Variants in LAMP3 observed in about 807,000 individuals in gnomAD.
The protein encoded by LAMP3 is lysosome-associated membrane glycoprotein 3.
LAMP3 carries 26 observed loss-of-function variants against 34.8 expected under a neutral mutation model. That is an observed-to-expected ratio of 0.75 (90% CI 0.55 to 1.04). The LOEUF is 1.04. LAMP3 is among the 50% of genes least tolerant of loss of function. The probability of loss-of-function intolerance (pLI) is 0.00; values close to 1 mark genes in which losing one functional copy is unlikely to be tolerated. For missense variants in LAMP3, 495 were observed against 524.0 expected, an observed-to-expected ratio of 0.94 and a Z score of 0.54; for synonymous variants, 180 against 201.9, an observed-to-expected ratio of 0.89 and a Z score of 0.92.
intron 5 of LAMP3, chr3:183,131,813 CT>C (rs1258964978): frequency 1.6e-6 from 1 of 634,122 alleles, no homozygotes; most frequent in East Asian, 1.4e-4. Flanking sequence ...CATACCTCTC[CT>C]TTTTCTCTGA....
chr3:183,154,412 G>T (rs1212027680), intron 1 of LAMP3, 21 bp from the exon 2 acceptor site: 3 of 1,562,916 alleles, frequency 1.9e-6, no homozygotes, highest in Non-Finnish European at 1.7e-6. Context: ...GGAAATAAAA[G>T]TGTTAAAAAC....
chr3:183,136,653 G>GA (rs63647060), intron 4 of LAMP3, among the ~76,000 whole-genome samples: 5,946 of 100,524 alleles, frequency 0.059, 327 homozygotes, highest in African/African-American at 0.12. Context: ...CTCCGTTTCA[G>GA]AAAAAAAAAA....
intron 4 of LAMP3, 46 bp from the exon 5 acceptor site, chr3:183,135,933 G>T: frequency 6.7e-7 from 1 of 1,488,288 alleles, no homozygotes; most frequent in Non-Finnish European, 9.4e-7. Flanking sequence ...AGATGTAACC[G>T]CTGAGCTCCA....
At chr3:183,151,984 C>T (rs1284682691) in intron 3 of LAMP3, among the ~76,000 whole-genome samples, 1 of 152,196 alleles carries the variant, frequency 6.6e-6, no homozygotes, top group Non-Finnish European at 1.5e-5. Context: ...TTGGAAAGAA[C>T]CTGTTCTGAC....
chr3:183,128,677 G>C (rs887958885), intron 5 of LAMP3, among the ~76,000 whole-genome samples: 4 of 152,164 alleles, frequency 2.6e-5, no homozygotes, highest in African/African-American at 9.6e-5. Flanking sequence ...AGTAGTTTGG[G>C]ACTACAGTCA....
chr3:183,124,508 G>A (rs1209823061), intron 5 of LAMP3, among the ~76,000 whole-genome samples: 7 of 152,098 alleles, frequency 4.6e-5, no homozygotes, highest in South Asian at 4.2e-4. Context: ...GTCACTCCAG[G>A]CATACTCCCT....
chr3:183,130,404 C>T (rs1012645168), intron 5 of LAMP3, among the ~76,000 whole-genome samples: 3 of 151,824 alleles, frequency 2.0e-5, no homozygotes, highest in Non-Finnish European at 2.9e-5. Flanking sequence ...ATGATCCGCC[C>T]GCCTCGGCCT....
At chr3:183,144,082 A>C (rs946799225) in intron 3 of LAMP3, among the ~76,000 whole-genome samples, 1 of 152,176 alleles carries the variant, frequency 6.6e-6, no homozygotes, top group African/African-American at 2.4e-5. Context: ...CCAGCTGTTC[A>C]GGATGTGGAT....
chr3:183,134,041 T>C (rs1247479577), intron 5 of LAMP3, among the ~76,000 whole-genome samples: 1 of 152,218 alleles, frequency 6.6e-6, no homozygotes, highest in Non-Finnish European at 1.5e-5. Flanking sequence ...GGTAACTTGC[T>C]CCTCTTTTCC....
At chr3:183,128,575 A>G (rs777748969) in intron 5 of LAMP3, among the ~76,000 whole-genome samples, 3 of 152,142 alleles carry the variant, frequency 2.0e-5, no homozygotes, top group East Asian at 1.9e-4. Context: ...ATCATTTCAT[A>G]TATGTGAAGG....
chr3:183,146,434 C>T (rs554253163), intron 3 of LAMP3, among the ~76,000 whole-genome samples: 1 of 152,124 alleles, frequency 6.6e-6, no homozygotes, highest in Non-Finnish European at 1.5e-5. Flanking sequence ...TCATACAATA[C>T]ACCCATTAGG....
At chr3:183,144,096 G>T (rs752856451) in intron 3 of LAMP3, among the ~76,000 whole-genome samples, 1 of 152,150 alleles carries the variant, frequency 6.6e-6, no homozygotes, top group Admixed American at 6.5e-5. Context: ...TGTGGATTTT[G>T]TCTTCAGCAT....
At chr3:183,129,785 C>T (rs553170207) in intron 5 of LAMP3, among the ~76,000 whole-genome samples, 2 of 152,204 alleles carry the variant, frequency 1.3e-5, no homozygotes, top group South Asian at 4.1e-4. Flanking sequence ...AATTGTATCC[C>T]CTCCCTGCCC....
At chr3:183,162,492 C>A in intron 1 of LAMP3, 115 bp downstream of exon 1, 1 of 1,051,080 alleles carries the variant, frequency 9.5e-7, no homozygotes, top group South Asian at 1.4e-5. Flanking sequence ...CCCTTGGACG[C>A]GCCACACCTC....
intron 1 of LAMP3, chr3:183,160,718 A>G (rs1170444494): frequency 6.6e-6 from 1 of 152,216 alleles, no homozygotes; most frequent in Admixed American, 6.5e-5. Context: ...TAAAGCACAT[A>G]GGTTAGCTGC....
In LAMP3 at chr3:183,153,940, G is replaced by T. The variant is rs1301535864; in HGVS notation, c.501C>A (p.Thr167=). The change falls in exon 2 of 6, where the codon ACC becomes ACA. Residue 167 remains threonine (T), a synonymous_variant. Coordinates refer to ENST00000265598, the MANE Select transcript of LAMP3 (RefSeq NM_014398.4). ...GTGCTATCGATAAAGTTGCTGGAAG[G>T]GTGGTCTGGTTACTGGGTTGAGTGG... ...GNTTQPSNQT[T]LPATLSIALH... 2 of 1,614,210 alleles carry T rather than the reference G, an allele frequency of 1.2e-6. No individual in the cohort carries two copies. Among genetic ancestry groups the T allele is most frequent in the Non-Finnish European group, 1.7e-6 (2 of 1,180,046 alleles).
Position 183,145,557 on chromosome 3 carries a change from A to T in LAMP3, c.889-4962T>A, listed in dbSNP as rs184693977. Among the ~76,000 whole-genome samples the T allele has an allele frequency of 9.6e-4, 146 of 152,288 alleles. 1 individual carries two copies. In the East Asian group the frequency reaches 0.024, roughly 25 times the overall value. Reference sequence around the variant, plus strand: ...GTTGTCATTGGTAGTATTTCAATTTAAAAAACTACAAATTGGGCTGGGCAC... The same window carrying T: ...GTTGTCATTGGTAGTATTTCAATTTTAAAAACTACAAATTGGGCTGGGCAC... On this transcript the variant is annotated intron_variant, in intron 3 of 5. Coordinates refer to ENST00000265598, the MANE Select transcript of LAMP3 (RefSeq NM_014398.4).
At chr3:183,134,391 C>T (rs531578197) in intron 5 of LAMP3, among the ~76,000 whole-genome samples, 3 of 152,140 alleles carry the variant, frequency 2.0e-5, no homozygotes, top group Non-Finnish European at 2.9e-5. Context: ...ACTGCTGAAA[C>T]GTTTTATTTC....
intron 3 of LAMP3, among the ~76,000 whole-genome samples, chr3:183,142,345 A>C (rs1191768184): frequency 6.6e-6 from 1 of 152,094 alleles, no homozygotes; most frequent in Admixed American, 6.6e-5. Flanking sequence ...TTTGAGGAGC[A>C]GCAGAATAGT....
Sources: allele counts gnomAD v4.1 joint callset (sites outside exome capture counted in the v4.1 genomes callset), GRCh38; gene constraint gnomAD v4.1.1; transcripts MANE v1.5; gene names NCBI Gene and HGNC (gene_info 2026-07-23, HGNC 2026-07-21).